Variants in RELB observed in about 807,000 individuals in gnomAD.
RELB encodes the protein RELB proto-oncogene, NF-kB subunit.
A neutral mutation model predicts 55.4 loss-of-function variants in RELB; 14 were observed. That is an observed-to-expected ratio of 0.25 (90% CI 0.17 to 0.40). RELB has a LOEUF of 0.40. RELB is among the 10% of genes least tolerant of loss of function. RELB has a pLI of 1.00. For synonymous variants in RELB, 409 were observed against 371.3 expected (o/e 1.10, Z -1.17); for missense variants, 669 against 830.7 (o/e 0.81, Z 2.39).
intron 2 of RELB, among the ~76,000 whole-genome samples, chr19:45,009,248 T>C (rs929571960): frequency 2.0e-5 from 3 of 152,078 alleles, no homozygotes; most frequent in Non-Finnish European, 4.4e-5. Context: ...ACCCAGCTAA[T>C]TTTTGTATTT....
At chr19:45,012,819 C>T (rs1225306524) in intron 4 of RELB, among the ~76,000 whole-genome samples, 2 of 150,968 alleles carry the variant, frequency 1.3e-5, no homozygotes, top group East Asian at 2.0e-4. Context: ...GAGGTCGAGG[C>T]GAGCGGATCA....
chr19:45,032,748 T>C lies in RELB; in HGVS notation c.1206T>C (p.His402=). 1 of 1,602,292 alleles carries C rather than the reference T, an allele frequency of 6.2e-7. No homozygotes were observed. Among genetic ancestry groups the C allele is most frequent in the Non-Finnish European group, 8.5e-7 (1 of 1,174,358 alleles). ...PLPFTYLPRD[H]DSYGVDKKRK... is the part of the protein sequence containing the mutation. ...CTTTCACGTACCTGCCTCGCGACCA[T>C]GGTAACTACAGCAACCCAGGGTGAC... Residue 402 remains histidine (H), a splice_region_variant and synonymous_variant, in exon 9 of 12, where the codon CAT becomes CAC. Transcript: ENST00000221452.
chr19:45,034,419 G>T lies in RELB; in HGVS notation c.1277-32G>T, dbSNP rs760721071. 2.5e-6 allele frequency: 4 copies of T among 1,610,666 alleles called. No homozygotes were observed. The Admixed American group carries it at 6.7e-5, about 27-fold the overall frequency. Reference sequence around the variant, plus strand: ...AGGCTGGGGAGGAAGGGCTGTCGGGGAACAGGGGTCCTCATCTCTGCCTTC... The same window carrying T: ...AGGCTGGGGAGGAAGGGCTGTCGGGTAACAGGGGTCCTCATCTCTGCCTTC... On this transcript the variant is annotated intron_variant, in intron 10 of 11. Coordinates refer to ENST00000221452, the MANE Select transcript of RELB (RefSeq NM_006509.4).
chr19:45,032,949 A>T (rs188736586), intron 9 of RELB, among the ~76,000 whole-genome samples, 200 bp downstream of exon 9: 13 of 152,260 alleles, frequency 8.5e-5, no homozygotes, highest in Admixed American at 3.9e-4. Flanking sequence ...GCAAAATGGA[A>T]ATAATAGTAG....
At chr19:45,018,670 A>T (rs866885222) in intron 4 of RELB, among the ~76,000 whole-genome samples, 59 of 148,292 alleles carry the variant, frequency 4.0e-4, no homozygotes, top group Middle Eastern at 3.4e-3. Context: ...CCTGTTATTT[A>T]TTTATTTTTT....
At chr19:45,011,834 GAT>G (rs1811921864) in intron 3 of RELB, 100 bp from the exon 4 acceptor site, 12 of 438,610 alleles carry the variant, frequency 2.7e-5, no homozygotes, top group African/African-American at 2.2e-4. Flanking sequence ...GAGAGAGAGA[GAT>G]AAATGGGATG....
chr19:45,018,180 A>G (rs1476322871), intron 4 of RELB, among the ~76,000 whole-genome samples: 2 of 151,974 alleles, frequency 1.3e-5, no homozygotes, highest in Non-Finnish European at 2.9e-5. Flanking sequence ...TAAGGCAGGC[A>G]GATCACAAGG....
At position 45,012,212 on chromosome 19, in the gene RELB, G is replaced by A; in HGVS notation, c.440G>A (p.Arg147His). The A allele has an allele frequency of 6.7e-7, 1 of 1,499,492 alleles. No homozygotes were observed. Among genetic ancestry groups the A allele is most frequent in the Non-Finnish European group, 8.8e-7 (1 of 1,138,568 alleles). The allele number at this position is 1,499,492 out of a possible 1,614,324, so 92.9% of individuals were successfully genotyped here. Residue 147 changes from arginine to histidine, a missense_variant, in exon 4 of 12, where the codon CGC becomes CAC. Physicochemically the swap from Arg to His is conservative, Grantham distance 29. Around this residue, in one of 3 missense-constraint regions of RELB, gnomAD observed 323 missense variants for 368.5 expected, o/e 0.88. Coordinates refer to ENST00000221452, the MANE Select transcript of RELB (RefSeq NM_006509.4). The stretch of plus-strand genomic sequence containing the variant: ...CGCTTCCGCTACGAGTGCGAGGGCC[G>A]CTCGGCCGGCAGCATCCTTGGGGAG... Reference protein sequence around the residue: ...GMRFRYECEGRSAGSILGESS... With the variant: ...GMRFRYECEGHSAGSILGESS...
At chr19:45,004,871 CA>C (rs1030348458) in intron 2 of RELB, among the ~76,000 whole-genome samples, 1 of 149,292 alleles carries the variant, frequency 6.7e-6, no homozygotes, top group Non-Finnish European at 1.5e-5. Context: ...CCGTCTCAAA[CA>C]AACAAACAAA....
At chr19:45,020,546 CA>C (rs968386708) in intron 4 of RELB, among the ~76,000 whole-genome samples, 289 of 144,130 alleles carry the variant, frequency 2.0e-3, no homozygotes, top group African/African-American at 6.8e-3. Context: ...CCAAATGTGG[CA>C]CCCATCTTTT....
intron 2 of RELB, among the ~76,000 whole-genome samples, chr19:45,006,442 GATCC>G (rs1568396367): frequency 6.6e-6 from 1 of 151,880 alleles, no homozygotes; most frequent in African/African-American, 2.4e-5. Context: ...GACCTCCACT[GATCC>G]AGCCACCTCG....
chr19:45,034,393 C>T, intron 10 of RELB, 58 bp from the exon 11 acceptor site: 1 of 1,608,446 alleles, frequency 6.2e-7, no homozygotes, highest in Non-Finnish European at 8.5e-7. Context: ...TGTCCCACCC[C>T]AGGCTGGGGA....
chr19:45,024,088 G>A (rs1017922057), intron 5 of RELB, among the ~76,000 whole-genome samples: 5 of 150,906 alleles, frequency 3.3e-5, no homozygotes, highest in African/African-American at 9.7e-5. Flanking sequence ...TGACCCACCC[G>A]CCTCGGCCTC....
intron 2 of RELB, among the ~76,000 whole-genome samples, chr19:45,007,998 TACA>T (rs1160738834): frequency 6.7e-5 from 1 of 15,024 alleles, no homozygotes; most frequent in African/African-American, 2.6e-4. Context: ...CTGCTAAAAA[TACA>T]AAAAAAAAAA....
chr19:45,014,050 C>T (rs1971392797), intron 4 of RELB, among the ~76,000 whole-genome samples: 1 of 151,900 alleles, frequency 6.6e-6, no homozygotes, highest in Non-Finnish European at 1.5e-5. Context: ...TATCAGGTCT[C>T]TCCATGATAA....
chr19:45,022,048 T>C lies in RELB; in HGVS notation c.505-5T>C. On this transcript the variant is annotated splice_region_variant and splice_polypyrimidine_tract_variant and intron_variant, in intron 4 of 11. Transcript: ENST00000221452. ...GACCCCCAAAGAGGACTTCTCTTCC[T>C]GCAGCTCCGGGATTGTGGAGGGCTG... 1.2e-6 allele frequency: 2 copies of C among 1,605,068 alleles called. 1 individual carries two copies. The highest frequency in any genetic ancestry group is 1.7e-6 in the Non-Finnish European group (2 of 1,174,988).
In RELB at chr19:45,012,251, C is replaced by A; in HGVS notation, c.479C>A (p.Ala160Asp). ...GSILGESSTE[A>D]SKTLPAIELR... is the part of the protein sequence containing the mutation. The stretch of plus-strand genomic sequence containing the variant: ...ATCCTTGGGGAGAGCAGCACCGAGG[C>A]CAGCAAGACGCTGCCCGCCATCGAG... The change falls in exon 4 of 12, where the codon GCC (alanine) becomes GAC (aspartate). Residue 160 changes from alanine (A) to aspartate (D), a missense_variant. By Grantham distance (126) the Ala-to-Asp change is moderately radical (BLOSUM62 -2). This residue lies in a region of RELB where 323 missense variants were observed against 368.5 expected (regional missense o/e 0.88). Coordinates refer to ENST00000221452, the MANE Select transcript of RELB (RefSeq NM_006509.4). 7.0e-7 allele frequency: 1 copy of A among 1,434,404 alleles called. No homozygotes were observed. Among genetic ancestry groups the A allele is most frequent in the Non-Finnish European group, 9.1e-7 (1 of 1,103,536 alleles). 88.9% of individuals were successfully genotyped at this position (1,434,404 alleles called of 1,614,324 possible).
chr19:45,016,600 G>A (rs546044897), intron 4 of RELB, among the ~76,000 whole-genome samples: 1 of 152,196 alleles, frequency 6.6e-6, no homozygotes, highest in South Asian at 2.1e-4. Context: ...AATTCAGTGG[G>A]TATTACAGTT....
intron 8 of RELB, 61 bp from the exon 9 acceptor site, chr19:45,032,473 A>G: frequency 7.2e-7 from 1 of 1,394,460 alleles, no homozygotes. Flanking sequence ...GAGGCTGGGC[A>G]AGTTGGGAGC....
Sources: allele counts gnomAD v4.1 joint callset (sites outside exome capture counted in the v4.1 genomes callset), GRCh38; gene constraint gnomAD v4.1.1; regional missense constraint gnomAD v4.1.1; transcripts MANE v1.5; gene names NCBI Gene and HGNC (gene_info 2026-07-23, HGNC 2026-07-21).